Variants in CCDC6 observed in about 807,000 individuals in gnomAD.
The protein encoded by CCDC6 is coiled-coil domain containing 6, also known as coiled-coil domain-containing protein 6.
CCDC6 carries 20 observed loss-of-function variants against 56.6 expected under a neutral mutation model. The ratio of observed to expected loss-of-function variants is 0.35; its 90% CI spans 0.25 to 0.51. The LOEUF is 0.51. Among genes scored for constraint, CCDC6 ranks in the 20% least tolerant of loss-of-function variants. The pLI, the probability that CCDC6 is intolerant of heterozygous loss-of-function variation, is 0.95. For missense variants in CCDC6, 367 were observed against 601.1 expected (o/e 0.61, Z 4.07); for synonymous variants, 241 against 234.4 (o/e 1.03, Z -0.26).
chr10:59,850,444 T>C (rs1331154448), intron 2 of CCDC6, among the ~76,000 whole-genome samples: 1 of 152,174 alleles, frequency 6.6e-6, no homozygotes, highest in Non-Finnish European at 1.5e-5. Flanking sequence ...TCTGTCCAGA[T>C]TCTACAAGTT....
intron 1 of CCDC6, among the ~76,000 whole-genome samples, chr10:59,885,925 C>CCA (rs2071380506): frequency 7.7e-6 from 1 of 129,048 alleles, no homozygotes; most frequent in African/African-American, 3.2e-5. Flanking sequence ...GCCCCCCGCC[C>CCA]CCCCAACTAG....
At chr10:59,818,495 CG>C (rs10605676) in intron 3 of CCDC6, among the ~76,000 whole-genome samples, 5,146 of 82,856 alleles carry the variant, frequency 0.062, 345 homozygotes, top group African/African-American at 0.11. Context: ...ATAATGTTGA[CG>C]GGGGGGGGGG....
chr10:59,862,249 C>A (rs917084373), intron 1 of CCDC6, among the ~76,000 whole-genome samples: 1 of 151,830 alleles, frequency 6.6e-6, no homozygotes, highest in African/African-American at 2.4e-5. Flanking sequence ...CACTGTGTGA[C>A]CCCGAGGCAG....
At position 59,808,368 on chromosome 10, in the gene CCDC6, A is replaced by C. The variant is rs546812319; in HGVS notation, c.848-1290T>G. ...TTCACAGGATTCTGTGGCATACTCC[A>C]CAACCTTCCAAAAAAAGAAAAACAC... is the stretch of plus-strand genomic sequence containing the variant. On this transcript the variant is annotated intron_variant, in intron 5 of 8. Coordinates refer to ENST00000263102, the MANE Select transcript of CCDC6 (RefSeq NM_005436.5). Among the ~76,000 whole-genome samples the C allele has an allele frequency of 4.6e-5, 7 of 152,286 alleles. No individual in the cohort carries two copies. In the South Asian group the frequency reaches 1.2e-3, roughly 27 times the overall value.
chr10:59,828,828 C>T (rs924837830), intron 3 of CCDC6, among the ~76,000 whole-genome samples: 1 of 152,140 alleles, frequency 6.6e-6, no homozygotes, highest in African/African-American at 2.4e-5. Context: ...GAGCTGATGC[C>T]CCTACCCCTG....
In CCDC6 at chr10:59,814,269, T is replaced by C. The variant is rs563422275; in HGVS notation, c.686+383A>G. On this transcript the variant is annotated intron_variant, in intron 4 of 8. Transcript: ENST00000263102. ...CCTAAAGAAGTAAATTCCAGAGATG[T>C]ATAAATAATAGTACGCAGTATACCC... Among the ~76,000 whole-genome samples the C allele has an allele frequency of 6.6e-5, 10 of 152,318 alleles. No homozygotes were observed. In the East Asian group the frequency reaches 1.9e-3, roughly 29 times the overall value.
chr10:59,800,616 T>TG (rs1040560361), intron 7 of CCDC6, among the ~76,000 whole-genome samples: 62 of 152,022 alleles, frequency 4.1e-4, no homozygotes, highest in Middle Eastern at 3.4e-3. Context: ...ATTAAAGTTT[T>TG]TTTTTTTTTT....
chr10:59,828,356 T>G (rs568088653), intron 3 of CCDC6, among the ~76,000 whole-genome samples: 14 of 152,298 alleles, frequency 9.2e-5, no homozygotes, highest in African/African-American at 3.1e-4. Flanking sequence ...ACCACACAAT[T>G]TTACATTATC....
At chr10:59,794,215 G>A (rs1407260715) in intron 8 of CCDC6, among the ~76,000 whole-genome samples, 5 of 152,188 alleles carry the variant, frequency 3.3e-5, no homozygotes, top group African/African-American at 1.2e-4. Context: ...TCAAAGCACT[G>A]GCCAGAGTTC....
intron 1 of CCDC6, among the ~76,000 whole-genome samples, chr10:59,874,863 A>G (rs2071264890): frequency 6.6e-6 from 1 of 152,146 alleles, no homozygotes; most frequent in African/African-American, 2.4e-5. Context: ...CTCCTCTGGG[A>G]CTTCCAGAAA....
intron 1 of CCDC6, among the ~76,000 whole-genome samples, chr10:59,862,826 AT>A (rs2071146490): frequency 6.6e-6 from 1 of 152,110 alleles, no homozygotes; most frequent in South Asian, 2.1e-4. Context: ...TGGTACAAAT[AT>A]TTTGAAAAAC....
chr10:59,843,391 T>C (rs1362662417), intron 2 of CCDC6, among the ~76,000 whole-genome samples: 1 of 152,254 alleles, frequency 6.6e-6, no homozygotes, highest in Non-Finnish European at 1.5e-5. Flanking sequence ...TTCAAACGTA[T>C]TGCCCTATAG....
At chr10:59,898,976 T>A (rs2071483862) in intron 1 of CCDC6, among the ~76,000 whole-genome samples, 1 of 152,242 alleles carries the variant, frequency 6.6e-6, no homozygotes, top group African/African-American at 2.4e-5. Flanking sequence ...AAGCCTTTTT[T>A]AAAAGAATAC....
intron 1 of CCDC6, among the ~76,000 whole-genome samples, chr10:59,866,967 A>G (rs1362941119): frequency 6.6e-6 from 1 of 152,214 alleles, no homozygotes; most frequent in Non-Finnish European, 1.5e-5. Flanking sequence ...GTACTCTTTC[A>G]GACTTGCAAA....
intron 6 of CCDC6, chr10:59,806,709 A>G (rs2070626745): frequency 2.1e-6 from 1 of 471,756 alleles, no homozygotes; most frequent in Non-Finnish European, 3.8e-6. Context: ...ATGATTTTAG[A>G]GAGGTGATTT....
chr10:59,862,681 A>G (rs2071144524), intron 1 of CCDC6, among the ~76,000 whole-genome samples: 1 of 151,878 alleles, frequency 6.6e-6, no homozygotes. Flanking sequence ...TCACCCTCAG[A>G]AGTAGTTAAA....
At position 59,870,047 on chromosome 10, in the gene CCDC6, C is replaced by T. The variant is rs576910114; in HGVS notation, c.304-17345G>A. 2.6e-5 allele frequency among the ~76,000 whole-genome samples: 4 copies of T among 152,294 alleles called. No individual in the cohort carries two copies. In the East Asian group the frequency reaches 7.7e-4, roughly 29 times the overall value. On this transcript the variant is annotated intron_variant, in intron 1 of 8. Transcript: ENST00000263102. ...CACCATTCACCACCCCATTACACTA[C>T]CTTCTTTCCATCGAGGATGTATCTT...
chr10:59,840,460 TATG>T (rs1289178642), intron 2 of CCDC6, among the ~76,000 whole-genome samples: 3 of 152,350 alleles, frequency 2.0e-5, no homozygotes, highest in Non-Finnish European at 4.4e-5. Flanking sequence ...GCGTTTTCCT[TATG>T]ATATGTCTCT....
intron 1 of CCDC6, among the ~76,000 whole-genome samples, chr10:59,894,851 A>C (rs1377972772): frequency 6.6e-6 from 1 of 152,042 alleles, no homozygotes; most frequent in East Asian, 1.9e-4. Flanking sequence ...CTCTAGTGTT[A>C]TTTCTTTTCC....
Sources: allele counts gnomAD v4.1 joint callset (sites outside exome capture counted in the v4.1 genomes callset), GRCh38; gene constraint gnomAD v4.1.1; transcripts MANE v1.5; gene names NCBI Gene and HGNC (gene_info 2026-07-23, HGNC 2026-07-21).